SAMD4A: variants seen among roughly 807,000 people sequenced by gnomAD.
SAMD4A encodes the protein protein Smaug homolog 1.
A neutral mutation model predicts 81.3 loss-of-function variants in SAMD4A; 33 were observed. The observed-to-expected ratio is 0.41, with a 90% confidence interval of 0.31 to 0.54. SAMD4A has a LOEUF of 0.54. Ranked by LOEUF, SAMD4A falls within the 20% of genes least tolerant of loss-of-function variation. SAMD4A has a pLI of 0.37. For missense variants in SAMD4A, 854 were observed against 951.1 expected, an observed-to-expected ratio of 0.90 and a Z score of 1.34; for synonymous variants, 389 against 382.1, an observed-to-expected ratio of 1.02 and a Z score of -0.21.
intron 2 of SAMD4A, among the ~76,000 whole-genome samples, chr14:54,650,287 G>C (rs987475548): frequency 2.0e-5 from 3 of 152,196 alleles, no homozygotes; most frequent in Admixed American, 1.3e-4. Context: ...ACCTGCATGA[G>C]TAACCAATAG....
intron 2 of SAMD4A, among the ~76,000 whole-genome samples, chr14:54,624,895 A>G (rs778639093): frequency 2.6e-5 from 4 of 152,008 alleles, no homozygotes; most frequent in Admixed American, 1.3e-4. Flanking sequence ...AATAAATACA[A>G]CCTTTCAGGA....
intron 2 of SAMD4A, among the ~76,000 whole-genome samples, chr14:54,670,572 A>T (rs2035858994): frequency 6.6e-6 from 1 of 152,240 alleles, no homozygotes; most frequent in Non-Finnish European, 1.5e-5. Context: ...CTGAATCACA[A>T]TTCCCATCTG....
At chr14:54,714,425 G>T (rs2037068258) in intron 3 of SAMD4A, among the ~76,000 whole-genome samples, 1 of 152,120 alleles carries the variant, frequency 6.6e-6, no homozygotes, top group South Asian at 2.1e-4. Context: ...CATTGTTTCT[G>T]TGATGTGTTT....
At chr14:54,654,668 A>G (rs1263851793) in intron 2 of SAMD4A, among the ~76,000 whole-genome samples, 1 of 152,234 alleles carries the variant, frequency 6.6e-6, no homozygotes, top group Non-Finnish European at 1.5e-5. Context: ...CTCAGAATGA[A>G]GGCTAGTCCT....
intron 9 of SAMD4A, among the ~76,000 whole-genome samples, chr14:54,772,859 C>G (rs1039435200): frequency 2.0e-5 from 3 of 151,960 alleles, no homozygotes; most frequent in Admixed American, 6.6e-5. Context: ...TTGTCTCTAC[C>G]TCACGTAGTC....
intron 2 of SAMD4A, among the ~76,000 whole-genome samples, chr14:54,687,690 C>G (rs1482456110): frequency 6.6e-6 from 1 of 152,124 alleles, no homozygotes; most frequent in Non-Finnish European, 1.5e-5. Context: ...ACGGTGGCAC[C>G]AGGGCATTAC....
intron 7 of SAMD4A, among the ~76,000 whole-genome samples, chr14:54,763,664 T>C (rs1358903896): frequency 6.6e-6 from 1 of 152,132 alleles, no homozygotes; most frequent in Non-Finnish European, 1.5e-5. Flanking sequence ...TCCTTGAGTG[T>C]CAGACATTTT....
chr14:54,623,181 C>G (rs183759462), intron 2 of SAMD4A, among the ~76,000 whole-genome samples: 839 of 152,216 alleles, frequency 5.5e-3, no homozygotes, highest in Non-Finnish European at 9.0e-3. Context: ...CTTCTGAGAC[C>G]CTGATGGCCT....
At chr14:54,773,326 G>A (rs538571921) in intron 9 of SAMD4A, among the ~76,000 whole-genome samples, 17 of 152,228 alleles carry the variant, frequency 1.1e-4, no homozygotes, top group South Asian at 2.1e-4. Context: ...GTTAAACTAC[G>A]TCAGCCCTGC....
At chr14:54,759,170 A>G (rs537171775) in intron 6 of SAMD4A, among the ~76,000 whole-genome samples, 30 of 152,346 alleles carry the variant, frequency 2.0e-4, no homozygotes, top group African/African-American at 7.0e-4. Flanking sequence ...TTACAGTTCT[A>G]TACATATTCC....
chr14:54,662,412 T>C (rs79543177), intron 2 of SAMD4A, among the ~76,000 whole-genome samples: 1 of 150,440 alleles, frequency 6.6e-6, no homozygotes, highest in Non-Finnish European at 1.5e-5. Flanking sequence ...TTTTTTTTTT[T>C]CATTTTTTTT....
intron 2 of SAMD4A, among the ~76,000 whole-genome samples, chr14:54,599,498 A>G (rs564843968): frequency 3.9e-5 from 6 of 152,366 alleles, no homozygotes; most frequent in African/African-American, 1.2e-4. Context: ...AAAAAATATT[A>G]TACTGCTTCA....
intron 12 of SAMD4A, among the ~76,000 whole-genome samples, chr14:54,786,807 T>G (rs2039152898): frequency 6.6e-6 from 1 of 152,272 alleles, no homozygotes; most frequent in Non-Finnish European, 1.5e-5. Flanking sequence ...TTCGTTTTTT[T>G]CAGTCTGTTC....
intron 2 of SAMD4A, among the ~76,000 whole-genome samples, chr14:54,669,878 A>G (rs748128057): frequency 6.6e-5 from 10 of 152,200 alleles, no homozygotes; most frequent in Non-Finnish European, 1.2e-4. Context: ...TCCAGATTCT[A>G]TGAATCAGAG....
At chr14:54,620,145 C>G (rs574553167) in intron 2 of SAMD4A, among the ~76,000 whole-genome samples, 2 of 151,860 alleles carry the variant, frequency 1.3e-5, no homozygotes, top group Non-Finnish European at 1.5e-5. Flanking sequence ...TTATTATAAC[C>G]CTTACTTTTT....
chr14:54,589,916 C>T lies in SAMD4A; in HGVS notation c.196+21804C>T, dbSNP rs951989427. ...CCTTCCCAACCATCTCTCTAAACCT[C>T]TTGCCCTGAATTATTTTATTCATGC... is the stretch of plus-strand genomic sequence containing the variant. On this transcript the variant is annotated intron_variant, in intron 2 of 12. Transcript: ENST00000554335. Among the ~76,000 whole-genome samples the T allele has an allele frequency of 5.3e-5, 8 of 152,326 alleles. No individual in the cohort carries two copies. The South Asian group carries it at 1.7e-3, about 32-fold the overall frequency.
rs537784953 is a variant in SAMD4A at position 54,784,765 on chromosome 14, G to A, written c.2128+145G>A. On this transcript the variant is annotated intron_variant, in intron 12 of 12. Coordinates refer to ENST00000554335, the MANE Select transcript of SAMD4A (RefSeq NM_015589.6). ...TAGGCAGGGGACAGGGAGAAAGAGT[G>A]GCCTTAGGGTACTGTTGGACCATTT... The A allele has an allele frequency of 2.5e-5, 19 of 748,230 alleles. No individual in the cohort carries two copies. In the South Asian group the frequency reaches 2.8e-4, roughly 11 times the overall value. The allele number at this position is 748,230 out of a possible 1,614,324, so 46.3% of individuals were successfully genotyped here. A position where few individuals can be genotyped will look rare whatever the true frequency, so the allele number is the denominator to read the frequency against.
intron 7 of SAMD4A, among the ~76,000 whole-genome samples, chr14:54,760,755 C>G (rs540356913): frequency 1.4e-4 from 22 of 152,304 alleles, no homozygotes; most frequent in African/African-American, 5.1e-4. Context: ...GATGCCAGCC[C>G]TTTTATTACA....
intron 2 of SAMD4A, among the ~76,000 whole-genome samples, chr14:54,617,471 C>CT (rs71446500): frequency 0.45 from 67,387 of 150,814 alleles, 14,952 homozygotes; most frequent in Middle Eastern, 0.51. Flanking sequence ...GAATCTTTCC[C>CT]TTTTTTTTTC....
Sources: gnomAD v4.1 joint callset for allele counts (sites outside exome capture counted in the v4.1 genomes callset) on GRCh38, gnomAD v4.1.1 for gene constraint, MANE v1.5 for transcripts, NCBI Gene and HGNC (gene_info 2026-07-23, HGNC 2026-07-21) for gene names.